The following SAMD8 variants were observed in gnomAD, a reference collection of about 807,000 sequenced individuals.
SAMD8 encodes the protein sterile alpha motif domain containing 8, also known as sphingomyelin synthase-related protein 1.
A neutral mutation model predicts 42.0 loss-of-function variants in SAMD8; 20 were observed. The ratio of observed to expected loss-of-function variants is 0.48; its 90% CI spans 0.34 to 0.69. SAMD8 has a LOEUF of 0.69. Ranked by LOEUF, SAMD8 falls within the 30% of genes least tolerant of loss-of-function variation. The pLI, the probability that SAMD8 is intolerant of heterozygous loss-of-function variation, is 0.01. For synonymous variants in SAMD8, 162 were observed against 173.0 expected (o/e 0.94, Z 0.50); for missense variants, 328 against 511.6 (o/e 0.64, Z 3.46).
intron 1 of SAMD8, among the ~76,000 whole-genome samples, chr10:75,117,673 C>T (rs143229055): frequency 0.053 from 8,077 of 152,214 alleles, 324 homozygotes; most frequent in African/African-American, 0.11. Flanking sequence ...GCCGAGATTG[C>T]GCCATTATAC....
intron 1 of SAMD8, among the ~76,000 whole-genome samples, chr10:75,122,012 A>C (rs1213324143): frequency 6.6e-6 from 1 of 152,194 alleles, no homozygotes; most frequent in African/African-American, 2.4e-5. Context: ...TTTTCTATTT[A>C]TATCTGTTTA....
upstream of SAMD8, chr10:75,108,315 G>C: frequency 6.8e-7 from 1 of 1,479,398 alleles, no homozygotes; most frequent in Non-Finnish European, 8.9e-7. Context: ...AGGGTCCAAA[G>C]AGAGTCCAAC....
At chr10:75,127,930 C>T (rs1170404421) in intron 1 of SAMD8, among the ~76,000 whole-genome samples, 1 of 152,130 alleles carries the variant, frequency 6.6e-6, no homozygotes, top group Non-Finnish European at 1.5e-5. Context: ...GTGCAGTTAA[C>T]TCTTCCTAGG....
At chr10:75,106,568 G>A (rs755416526) in intron 1 of SAMD8, among the ~76,000 whole-genome samples, 16 of 152,112 alleles carry the variant, frequency 1.1e-4, no homozygotes, top group Non-Finnish European at 1.8e-4. Context: ...TTTGTAGAGG[G>A]AAGTCCCCCC....
At chr10:75,165,337 G>A (rs1306678114) in intron 3 of SAMD8, among the ~76,000 whole-genome samples, 1 of 151,690 alleles carries the variant, frequency 6.6e-6, no homozygotes, top group East Asian at 1.9e-4. Flanking sequence ...CACATGTTTA[G>A]ATGGAAGAAA....
At chr10:75,169,034 G>T (rs1257132659) in intron 4 of SAMD8, among the ~76,000 whole-genome samples, 4 of 151,348 alleles carry the variant, frequency 2.6e-5, no homozygotes, top group African/African-American at 7.3e-5. Flanking sequence ...AGTTGGGCGT[G>T]GTGGTGGGCA....
chr10:75,148,241 G>A (rs970375446), intron 1 of SAMD8, among the ~76,000 whole-genome samples: 1 of 151,132 alleles, frequency 6.6e-6, no homozygotes, highest in African/African-American at 2.4e-5. Context: ...TAGTTTTGAT[G>A]ATATAAATGG....
chr10:75,107,784 C>T (rs138531991), upstream of SAMD8, among the ~76,000 whole-genome samples: 1,354 of 152,262 alleles, frequency 8.9e-3, 11 homozygotes, highest in Non-Finnish European at 0.016. Flanking sequence ...ACCGTGTTGG[C>T]CAGGCTGGTC....
rs986791376 is a variant in SAMD8 at position 75,181,839 on chromosome 10, A to G, written c.*5147A>G. 1.3e-5 allele frequency: 2 copies of G among 152,214 alleles called. No individual in the cohort carries two copies. The highest frequency in any genetic ancestry group is 3.8e-4 in the East Asian group (2 of 5,200). 9.4% of individuals were successfully genotyped at this position (152,214 alleles called of 1,614,324 possible). On this transcript the variant is annotated 3_prime_UTR_variant, in exon 6 of 6. Transcript: ENST00000542569. ...AAGTATTTCTGACATGGAACAAAGA[A>G]AGTGGAAACTGGTACTTAATGGGGG... is the stretch of plus-strand genomic sequence containing the variant.
intron 1 of SAMD8, among the ~76,000 whole-genome samples, chr10:75,133,989 AT>A (rs372283087): frequency 1.3e-5 from 2 of 152,160 alleles, no homozygotes; most frequent in African/African-American, 4.8e-5. Flanking sequence ...ATTTGGGTTG[AT>A]TCCATGTCTT....
At chr10:75,161,080 T>C (rs937616220) in intron 2 of SAMD8, among the ~76,000 whole-genome samples, 1 of 152,048 alleles carries the variant, frequency 6.6e-6, no homozygotes, top group African/African-American at 2.4e-5. Context: ...AAAAAAAATC[T>C]ACTTAAGCTT....
At chr10:75,173,329 G>A (rs998227506) in intron 4 of SAMD8, among the ~76,000 whole-genome samples, 1 of 152,100 alleles carries the variant, frequency 6.6e-6, no homozygotes, top group South Asian at 2.1e-4. Flanking sequence ...TTGCATTCCT[G>A]GAAGTAAGGG....
chr10:75,115,902 C>T (rs536629434), intron 1 of SAMD8, among the ~76,000 whole-genome samples: 7 of 147,512 alleles, frequency 4.7e-5, no homozygotes, highest in African/African-American at 1.8e-4. Flanking sequence ...GATCACACCA[C>T]TGCACTCCAG....
intron 1 of SAMD8, chr10:75,105,789 C>G: frequency 1.3e-6 from 2 of 1,551,066 alleles, no homozygotes; most frequent in East Asian, 4.9e-5. Context: ...GCAGGGACAG[C>G]CGCTGGTGCA....
intron 2 of SAMD8, among the ~76,000 whole-genome samples, chr10:75,156,984 T>C (rs1433198824): frequency 6.6e-6 from 1 of 151,992 alleles, no homozygotes; most frequent in Non-Finnish European, 1.5e-5. Flanking sequence ...TCCTTGTTCC[T>C]AGAGAAACAA....
intron 1 of SAMD8, chr10:75,103,986 C>T (rs772220015): frequency 1.5e-6 from 2 of 1,349,176 alleles, no homozygotes; most frequent in South Asian, 1.2e-5. Context: ...CCACGCTGGG[C>T]TTCCACCATC....
chr10:75,116,956 C>A (rs770290065), intron 1 of SAMD8, among the ~76,000 whole-genome samples: 3 of 151,992 alleles, frequency 2.0e-5, no homozygotes, highest in South Asian at 2.1e-4. Flanking sequence ...ATTACAGGCG[C>A]GTGCCACCAT....
At chr10:75,158,215 TA>T (rs1276596865) in intron 2 of SAMD8, among the ~76,000 whole-genome samples, 3 of 149,886 alleles carry the variant, frequency 2.0e-5, no homozygotes, top group Non-Finnish European at 3.0e-5. Context: ...GAAAAAATAA[TA>T]AAAAACAAGC....
chr10:75,127,541 A>T (rs1012587809), intron 1 of SAMD8, among the ~76,000 whole-genome samples: 2 of 152,236 alleles, frequency 1.3e-5, no homozygotes, highest in Admixed American at 6.5e-5. Context: ...AGTTCCTCAG[A>T]CACTGTAAAT....
Sources: allele counts gnomAD v4.1 joint callset (sites outside exome capture counted in the v4.1 genomes callset), GRCh38; gene constraint gnomAD v4.1.1; transcripts MANE v1.5; gene names NCBI Gene and HGNC (gene_info 2026-07-23, HGNC 2026-07-21).